Variants in SLC22A25 observed in about 807,000 individuals in gnomAD.
SLC22A25 encodes the protein MGI:2442751, MGI:2385316, MGI:3042283, MGI:3645714, MGI:3605624, MGI:2442750.
SLC22A25 carries 44 observed loss-of-function variants against 45.9 expected under a neutral mutation model. The ratio of observed to expected loss-of-function variants is 0.96; its 90% CI spans 0.75 to 1.23. The LOEUF is 1.23. Ranked by LOEUF, SLC22A25 falls within the 50% of genes most tolerant of loss-of-function variation. The probability of loss-of-function intolerance (pLI) is 0.00; values close to 1 mark genes in which losing one functional copy is unlikely to be tolerated. For synonymous variants in SLC22A25, 283 were observed against 238.6 expected, an observed-to-expected ratio of 1.19 and a Z score of -1.72; for missense variants, 800 against 666.4, an observed-to-expected ratio of 1.20 and a Z score of -2.21.
chr11:63,184,910 G>A (rs776265615), intron 7 of SLC22A25, among the ~76,000 whole-genome samples: 6 of 152,084 alleles, frequency 3.9e-5, no homozygotes, highest in Non-Finnish European at 8.8e-5. Flanking sequence ...AAATGAAAAC[G>A]CAGTAGTGAT....
chr11:63,197,537 C>T (rs1010107878), intron 7 of SLC22A25, among the ~76,000 whole-genome samples: 2 of 152,098 alleles, frequency 1.3e-5, no homozygotes, highest in African/African-American at 2.4e-5. Context: ...AAAGCTAAAA[C>T]TGGATCCCTT....
intron 7 of SLC22A25, among the ~76,000 whole-genome samples, chr11:63,209,729 T>A (rs2089507446): frequency 6.6e-6 from 1 of 152,162 alleles, no homozygotes; most frequent in South Asian, 2.1e-4. Flanking sequence ...CCCCTTCCTA[T>A]ACAGAAAAGC....
At position 63,243,546 on chromosome 11, in the gene SLC22A25, A is replaced by G. The variant is rs923509670; in HGVS notation, c.-1108T>C. The G allele has an allele frequency of 3.9e-6, 3 of 763,848 alleles. No homozygotes were observed. The highest frequency in any genetic ancestry group is 7.3e-6 in the Non-Finnish European group (3 of 409,052). The allele number at this position is 763,848 out of a possible 1,614,324, so 47.3% of individuals were successfully genotyped here. A position where few individuals can be genotyped will look rare whatever the true frequency, so the allele number is the denominator to read the frequency against. Reference sequence around the variant, plus strand: ...AAAGAGTCCAGCCCACTGACTGCCAAAAAGCTGTGCATTTATACCGACAAC... The same window carrying G: ...AAAGAGTCCAGCCCACTGACTGCCAGAAAGCTGTGCATTTATACCGACAAC... On this transcript the variant is annotated 5_prime_UTR_variant, in exon 1 of 12. Coordinates refer to ENST00000306494, the MANE Select transcript of SLC22A25 (RefSeq NM_199352.6).
chr11:63,183,103 A>C (rs141643388), intron 8 of SLC22A25, among the ~76,000 whole-genome samples: 1,932 of 152,188 alleles, frequency 0.013, 155 homozygotes, highest in Admixed American at 0.12. Flanking sequence ...AAAAAAGATA[A>C]AGACTTCCCC....
chr11:63,159,351 G>T lies in SLC22A25; in HGVS notation c.*4473C>A, dbSNP rs557569385. On this transcript the variant is annotated 3_prime_UTR_variant, in exon 12 of 12. Coordinates refer to ENST00000306494, the MANE Select transcript of SLC22A25 (RefSeq NM_199352.6). ...CCATAGTTCCCACCTGTCATGGGAG[G>T]GAGCCTGTGGGAGGTAATTGAATCA... Among the ~76,000 whole-genome samples, 1 of 152,178 alleles carries T rather than the reference G, an allele frequency of 6.6e-6. No individual in the cohort carries two copies. Among genetic ancestry groups the T allele is most frequent in the South Asian group, 2.1e-4 (1 of 4,818 alleles).
chr11:63,186,022 A>G (rs2088527393), intron 7 of SLC22A25, among the ~76,000 whole-genome samples: 1 of 151,980 alleles, frequency 6.6e-6, no homozygotes, highest in Non-Finnish European at 1.5e-5. Context: ...ATGTGTCTTT[A>G]TAGTAGCATG....
At chr11:63,237,162 T>C (rs953352213) in intron 3 of SLC22A25, among the ~76,000 whole-genome samples, 3 of 151,910 alleles carry the variant, frequency 2.0e-5, no homozygotes, top group African/African-American at 7.3e-5. Context: ...GACATAAACA[T>C]GGGAACAATA....
chr11:63,190,186 C>G (rs1019476526), intron 7 of SLC22A25, among the ~76,000 whole-genome samples: 4 of 152,192 alleles, frequency 2.6e-5, no homozygotes, highest in Non-Finnish European at 5.9e-5. Flanking sequence ...GTACACCAAT[C>G]AGATGTAGAT....
intron 7 of SLC22A25, among the ~76,000 whole-genome samples, chr11:63,191,623 G>C (rs2088819231): frequency 6.6e-6 from 1 of 152,210 alleles, no homozygotes; most frequent in Non-Finnish European, 1.5e-5. Flanking sequence ...GAAATCTCCT[G>C]TCTTCTGTGT....
chr11:63,200,979 T>A (rs7105157), intron 7 of SLC22A25, among the ~76,000 whole-genome samples: 1 of 152,124 alleles, frequency 6.6e-6, no homozygotes, highest in African/African-American at 2.4e-5. Flanking sequence ...CAAGGAGAAC[T>A]ACAAACCACT....
chr11:63,232,489 C>T lies in SLC22A25; in HGVS notation c.-444-2393G>A, dbSNP rs556207873. On this transcript the variant is annotated intron_variant, in intron 3 of 11. Coordinates refer to ENST00000306494, the MANE Select transcript of SLC22A25 (RefSeq NM_199352.6). ...GATTTTTGCACATTGATTTTGTATCCTGATACTTTGCTGAAATTGGTTATC... is the reference window on the plus strand; with the variant it reads ...GATTTTTGCACATTGATTTTGTATCTTGATACTTTGCTGAAATTGGTTATC... Among the ~76,000 whole-genome samples, 14 of 152,220 alleles carry T rather than the reference C, an allele frequency of 9.2e-5. No homozygotes were observed. In the East Asian group the frequency reaches 2.7e-3, roughly 29 times the overall value.
chr11:63,172,169 T>C (rs576379225), intron 9 of SLC22A25, among the ~76,000 whole-genome samples: 3 of 152,132 alleles, frequency 2.0e-5, no homozygotes, highest in Non-Finnish European at 4.4e-5. Flanking sequence ...GACTTAAATA[T>C]AATACCTAAA....
At position 63,166,157 on chromosome 11, in the gene SLC22A25, A is replaced by G. The variant is rs781632076; in HGVS notation, c.1172T>C (p.Leu391Pro). The change falls in exon 10 of 12, where the codon CTG becomes CCG. Residue 391 changes from leucine (L) to proline (P), a missense_variant. Leu to Pro is a moderately conservative substitution (Grantham distance 98). Transcript: ENST00000306494. The stretch of plus-strand genomic sequence containing the variant: ...TGCCCAAGGTGCAACACAATTGGCC[A>G]GGAGGGTGACTGCACCAAAGAGAGT... ...LQTLFGAVTL[L>P]ANCVAPWALN... is the part of the protein sequence containing the mutation. 3 of 1,614,060 alleles carry G rather than the reference A, an allele frequency of 1.9e-6. No individual in the cohort carries two copies. The South Asian group carries it at 3.3e-5, about 18-fold the overall frequency.
At chr11:63,164,252 G>T (rs2087602928) in intron 11 of SLC22A25, among the ~76,000 whole-genome samples, 179 bp from the exon 12 acceptor site, 1 of 152,178 alleles carries the variant, frequency 6.6e-6, no homozygotes, top group Admixed American at 6.5e-5. Flanking sequence ...AAGTGAATTA[G>T]ACACATTTTT....
In SLC22A25 at chr11:63,238,812, A is replaced by G. The variant is rs1270203375; in HGVS notation, c.-672T>C. On this transcript the variant is annotated 5_prime_UTR_variant, in exon 2 of 12. It removes an upstream start codon present in the reference 5' UTR. Transcript: ENST00000306494. The stretch of plus-strand genomic sequence containing the variant: ...GTTCATTCATATTGAGGAATGTCCC[A>G]TTCAGGTGAAGGAGCTGCCACTGGG... 2.4e-5 allele frequency: 6 copies of G among 250,324 alleles called. No homozygotes were observed. The highest frequency in any genetic ancestry group is 5.1e-5 in the Non-Finnish European group (6 of 118,504). 15.5% of individuals were successfully genotyped at this position (250,324 alleles called of 1,614,324 possible).
chr11:63,200,091 T>C (rs930691993), intron 7 of SLC22A25, among the ~76,000 whole-genome samples: 6 of 152,098 alleles, frequency 3.9e-5, no homozygotes, highest in African/African-American at 1.4e-4. Flanking sequence ...GAAGAGCTGG[T>C]ACTATTCCTA....
chr11:63,230,803 C>G (rs866321588), intron 3 of SLC22A25, among the ~76,000 whole-genome samples: 2 of 152,216 alleles, frequency 1.3e-5, no homozygotes, highest in African/African-American at 2.4e-5. Context: ...CTCCCCCATC[C>G]CCTAACCCCA....
intron 7 of SLC22A25, among the ~76,000 whole-genome samples, chr11:63,211,402 C>A (rs944790962): frequency 1.3e-5 from 2 of 152,152 alleles, no homozygotes; most frequent in African/African-American, 4.8e-5. Flanking sequence ...TAGTACCCAA[C>A]CCTTACACAA....
intron 9 of SLC22A25, among the ~76,000 whole-genome samples, chr11:63,171,827 T>A (rs113527195): frequency 0.018 from 2,741 of 152,152 alleles, 73 homozygotes; most frequent in African/African-American, 0.05. Flanking sequence ...ACATGGATTT[T>A]AAAAAAGCTT....
Sources: gnomAD v4.1 joint callset for allele counts (sites outside exome capture counted in the v4.1 genomes callset) on GRCh38, gnomAD v4.1.1 for gene constraint, MANE v1.5 for transcripts, NCBI Gene and HGNC (gene_info 2026-07-23, HGNC 2026-07-21) for gene names.